The following DNAH17 variants were observed in gnomAD, a reference collection of about 807,000 sequenced individuals.
DNAH17 encodes the protein dynein axonemal heavy chain 17.
In DNAH17, 376 loss-of-function variants were observed where a neutral mutation model predicts 485.6. That is an observed-to-expected ratio of 0.77 (90% CI 0.71 to 0.84). The LOEUF (loss-of-function observed/expected upper bound fraction) is 0.84. DNAH17 is among the 40% of genes least tolerant of loss of function. DNAH17 has a pLI of 0.00. For synonymous variants in DNAH17, 3,031 were observed against 2,405.9 expected (o/e 1.26, Z -7.60); for missense variants, 6,370 against 5,839.3 (o/e 1.09, Z -2.96).
chr17:78,449,291 T>C, intron 69 of DNAH17, 123 bp downstream of exon 69: 1 of 990,470 alleles, frequency 1.0e-6, no homozygotes, highest in Non-Finnish European at 1.5e-6. Flanking sequence ...ATTGCTAAAA[T>C]GCGGGTTTGA....
chr17:78,429,086 T>C, intron 76 of DNAH17, 35 bp downstream of exon 76: 3 of 1,600,856 alleles, frequency 1.9e-6, no homozygotes, highest in South Asian at 2.2e-5. Context: ...CGAGCCTTCA[T>C]TACGTTGAGC....
intron 73 of DNAH17, among the ~76,000 whole-genome samples, chr17:78,438,867 A>G (rs1167525536): frequency 2.0e-5 from 3 of 152,148 alleles, no homozygotes; most frequent in Non-Finnish European, 4.4e-5. Context: ...TCACCGTTGA[A>G]GAATCCACGC....
In DNAH17 at chr17:78,566,843, T is replaced by C. The variant is rs1363584419; in HGVS notation, c.1453-113A>G. On this transcript the variant is annotated intron_variant, in intron 10 of 80. Transcript: ENST00000389840. ...CTCGGGACTGAGGCGCAGCTGAATG[T>C]GCTGTTGCGGGGACCGCTCTACACA... 1.6e-5 allele frequency: 21 copies of C among 1,299,224 alleles called. No homozygotes were observed. In the South Asian group the frequency reaches 1.9e-4, roughly 12 times the overall value. 80.5% of individuals were successfully genotyped at this position (1,299,224 alleles called of 1,614,324 possible). A position where few individuals can be genotyped will look rare whatever the true frequency, so the allele number is the denominator to read the frequency against.
At chr17:78,476,780 G>T in intron 51 of DNAH17, 47 bp from the exon 52 acceptor site, 2 of 1,584,272 alleles carry the variant, frequency 1.3e-6, no homozygotes, top group African/African-American at 2.7e-5. Flanking sequence ...TTACGAAGGC[G>T]AGCCCAGAGC....
chr17:78,513,137 GA>G (rs2090680588), intron 26 of DNAH17, among the ~76,000 whole-genome samples: 1 of 151,768 alleles, frequency 6.6e-6, no homozygotes, highest in African/African-American at 2.4e-5. Flanking sequence ...AAGTAAACCG[GA>G]AAAATGAGTT....
intron 41 of DNAH17, chr17:78,493,206 T>G (rs1278699054): frequency 1.2e-5 from 2 of 166,246 alleles, no homozygotes; most frequent in Non-Finnish European, 2.6e-5. Flanking sequence ...ACGTTTGCTC[T>G]GGAGACACAC....
At chr17:78,428,310 C>T (rs898041050) in intron 77 of DNAH17, 28 of 624,116 alleles carry the variant, frequency 4.5e-5, no homozygotes, top group African/African-American at 1.8e-4. Flanking sequence ...TGTCTGGGCC[C>T]GTACGCTCAC....
chr17:78,428,534 G>C lies in DNAH17; in HGVS notation c.12579C>G (p.Arg4193=), dbSNP rs761215043. The C allele has an allele frequency of 6.2e-7, 1 of 1,606,504 alleles. No individual in the cohort carries two copies. Among genetic ancestry groups the C allele is most frequent in the Middle Eastern group, 1.7e-4 (1 of 6,050 alleles). ...GTTTCAAAGATCCTGCCTTCTCCTC[G>C]CGGGACACTCCCGTGCCTGCCCCCG... ...TDSGAGTGVS[R]EEKVKAVLDD... The change falls in exon 77 of 81, where the codon CGC becomes CGG. Residue 4193 remains arginine (R), a synonymous_variant. Coordinates refer to ENST00000389840, the MANE Select transcript of DNAH17 (RefSeq NM_173628.4).
intron 33 of DNAH17, chr17:78,502,237 T>TG: frequency 2.8e-6 from 1 of 351,030 alleles, no homozygotes; most frequent in Non-Finnish European, 5.2e-6. Context: ...GTGTCATGCT[T>TG]GGGTTGTGGA....
chr17:78,543,483 G>C (rs138946549), intron 17 of DNAH17, among the ~76,000 whole-genome samples: 13,589 of 151,540 alleles, frequency 0.09, 763 homozygotes, highest in South Asian at 0.17. Flanking sequence ...GTAGAGACGG[G>C]GTTTCACCTT....
Position 78,510,496 on chromosome 17 carries a change from T to G in DNAH17, c.4124A>C (p.Lys1375Thr). 6.2e-7 allele frequency: 1 copy of G among 1,613,856 alleles called. No individual in the cohort carries two copies. Among genetic ancestry groups the G allele is most frequent in the Non-Finnish European group, 8.5e-7 (1 of 1,179,788 alleles). The part of the protein sequence containing the change: ...QLMQATQVKF[K>T]MSEETTLADL... ...TGCCAGGGTCGTCTCTTCTGACATT[T>G]TAAATTTCACCTAAGGGAAAAAAAT... Residue 1375 changes from lysine to threonine, a missense_variant, in exon 27 of 81, where the codon AAA becomes ACA. Transcript: ENST00000389840.
intron 16 of DNAH17, among the ~76,000 whole-genome samples, chr17:78,545,780 GCT>G (rs1337454269): frequency 1.3e-5 from 2 of 152,086 alleles, no homozygotes; most frequent in East Asian, 3.9e-4. Flanking sequence ...TATTTATATA[GCT>G]ATATTAACAA....
chr17:78,474,798 T>G (rs992448379), intron 54 of DNAH17, among the ~76,000 whole-genome samples: 1 of 134,858 alleles, frequency 7.4e-6, no homozygotes, highest in Non-Finnish European at 1.6e-5. Context: ...ACTCTTCACC[T>G]CAGTCACCCG....
chr17:78,455,810 T>C lies in DNAH17; in HGVS notation c.10004A>G (p.Asn3335Ser), dbSNP rs904359952. Reference sequence around the variant, plus strand: ...CTCCACAGACTCAGCCCAGCGGATGTTTTCCGATGCTAATCCCCCGACCAG... The same window carrying C: ...CTCCACAGACTCAGCCCAGCGGATGCTTTCCGATGCTAATCCCCCGACCAG... Reference protein sequence around the residue: ...NRLVGGLASENIRWAESVENF... With the variant: ...NRLVGGLASESIRWAESVENF... The change falls in exon 63 of 81, where the codon AAC (asparagine) becomes AGC (serine). Residue 3335 changes from asparagine to serine, a missense_variant. By Grantham distance (46) the Asn-to-Ser change is conservative (BLOSUM62 1). Transcript: ENST00000389840. 10 of 1,605,612 alleles carry C rather than the reference T, an allele frequency of 6.2e-6. No individual in the cohort carries two copies. Among genetic ancestry groups the C allele is most frequent in the Middle Eastern group, 1.7e-4 (1 of 6,042 alleles).
In DNAH17 at chr17:78,563,903, T is replaced by TC. The variant is rs544950111; in HGVS notation, c.1570-1924dup. On this transcript the variant is annotated intron_variant, in intron 11 of 80. Coordinates refer to ENST00000389840, the MANE Select transcript of DNAH17 (RefSeq NM_173628.4). ...GGAAATGGGTTACAAGAGTTATTTC[T>TC]CCCCCTGCCTCCCTCCCCTCCGCTT... 2.2e-4 allele frequency among the ~76,000 whole-genome samples: 33 copies of TC among 152,082 alleles called. No homozygotes were observed. In the East Asian group the frequency reaches 5.6e-3, roughly 26 times the overall value.
In DNAH17 at chr17:78,425,432, A is replaced by C; in HGVS notation, c.13055T>G (p.Leu4352Arg). 2 of 1,613,950 alleles carry C rather than the reference A, an allele frequency of 1.2e-6. No homozygotes were observed. The highest frequency in any genetic ancestry group is 1.7e-6 in the Non-Finnish European group (2 of 1,179,882). ...KNEWPLDKMC[L>R]SVEVTKKNRE... ...GTTTTTCTTGGTCACCTCGACAGAC[A>C]GACACATCTTGTCCAGGGGCCACTC... The change falls in exon 80 of 81, where the codon CTG becomes CGG. Residue 4352 changes from leucine (L) to arginine (R), a missense_variant. Leu to Arg is a moderately radical substitution (Grantham distance 102). Transcript: ENST00000389840.
At position 78,426,519 on chromosome 17, in the gene DNAH17, G is replaced by A. The variant is rs376002860; in HGVS notation, c.12853C>T (p.Arg4285Trp). The change falls in exon 79 of 81, where the codon CGG becomes TGG. Residue 4285 changes from arginine to tryptophan, a missense_variant. Transcript: ENST00000389840. ...YDTVPDTWVA[R>W]AYPSMMGLAA... ...AGGCCCATCATGGAGGGGTAGGCCC[G>A]GGCCACCCACGTATCAGGCACGGTG... The A allele has an allele frequency of 3.7e-5, 60 of 1,613,690 alleles. No homozygotes were observed. Among genetic ancestry groups the A allele is most frequent in the South Asian group, 8.8e-5 (8 of 91,004 alleles).
intron 51 of DNAH17, among the ~76,000 whole-genome samples, chr17:78,478,682 A>G (rs1159883969): frequency 6.7e-6 from 1 of 150,048 alleles, no homozygotes; most frequent in Non-Finnish European, 1.5e-5. Flanking sequence ...TACCACCATC[A>G]TCACAATTAT....
rs549777082 is a variant in DNAH17 at position 78,529,820 on chromosome 17, G to A, written c.3285-126C>T. 4.3e-4 allele frequency: 387 copies of A among 909,832 alleles called. 1 individual carries two copies. The highest frequency in any genetic ancestry group is 1.4e-4 in the South Asian group (8 of 59,008). The allele number at this position is 909,832 out of a possible 1,614,324, so 56.4% of individuals were successfully genotyped here. A position where few individuals can be genotyped will look rare whatever the true frequency, so the allele number is the denominator to read the frequency against. On this transcript the variant is annotated intron_variant, in intron 21 of 80. Transcript: ENST00000389840. ...CTGGCCATCACTGAAGGCCCCAGGT[G>A]GGGAGGGAGCGCCCCTGCCCACCTT... is the stretch of plus-strand genomic sequence containing the variant.
Sources: gnomAD v4.1 joint callset for allele counts (sites outside exome capture counted in the v4.1 genomes callset) on GRCh38, gnomAD v4.1.1 for gene constraint, MANE v1.5 for transcripts, NCBI Gene and HGNC (gene_info 2026-07-23, HGNC 2026-07-21) for gene names.